The following EYS variants were observed in gnomAD, a reference collection of about 807,000 sequenced individuals.
The protein encoded by EYS is EGF-like photoreceptor maintenance factor, also known as protein eyes shut homolog.
EYS carries 250 observed loss-of-function variants against 282.1 expected under a neutral mutation model. That is an observed-to-expected ratio of 0.89 (90% CI 0.80 to 0.98). The LOEUF is 0.98. EYS is among the 50% of genes least tolerant of loss of function. The probability of loss-of-function intolerance (pLI) is 0.00; values close to 1 mark genes in which losing one functional copy is unlikely to be tolerated. For synonymous variants in EYS, 1,355 were observed against 1,282.9 expected (o/e 1.06, Z -1.20); for missense variants, 4,016 against 3,709.0 (o/e 1.08, Z -2.15).
intron 2 of EYS, among the ~76,000 whole-genome samples, chr6:65,519,806 C>G (rs1427944410): frequency 7.0e-6 from 1 of 143,350 alleles, no homozygotes; most frequent in Non-Finnish European, 1.5e-5. Flanking sequence ...GCCTCAACCT[C>G]CCGCGGCTTA....
At chr6:64,732,794 C>G (rs188506770) in intron 22 of EYS, among the ~76,000 whole-genome samples, 1 of 152,190 alleles carries the variant, frequency 6.6e-6, no homozygotes, top group Non-Finnish European at 1.5e-5. Flanking sequence ...CTACTTAACT[C>G]CAACTGATTG....
chr6:65,504,507 T>C (rs1053912253), intron 2 of EYS, among the ~76,000 whole-genome samples: 1 of 151,830 alleles, frequency 6.6e-6, no homozygotes, highest in Admixed American at 6.6e-5. Context: ...TCCATTTTTC[T>C]ACACGAATTA....
intron 34 of EYS, among the ~76,000 whole-genome samples, chr6:63,987,748 G>A (rs571747538): frequency 1.4e-4 from 21 of 151,680 alleles, no homozygotes; most frequent in Non-Finnish European, 2.4e-4. Context: ...TACTGTCATT[G>A]CCAGAATTAA....
intron 26 of EYS, among the ~76,000 whole-genome samples, chr6:64,566,533 A>G (rs1174403552): frequency 6.6e-6 from 1 of 152,194 alleles, no homozygotes; most frequent in Admixed American, 6.6e-5. Flanking sequence ...CGCATTTCTT[A>G]CTACAACAGT....
chr6:64,303,790 G>C (rs893787362), intron 30 of EYS, among the ~76,000 whole-genome samples: 1 of 141,060 alleles, frequency 7.1e-6, no homozygotes, highest in African/African-American at 2.7e-5. Context: ...GCAGTGAGTC[G>C]AGATCGCGCC....
intron 33 of EYS, among the ~76,000 whole-genome samples, chr6:64,023,665 C>G (rs1769310798): frequency 6.6e-6 from 1 of 152,256 alleles, no homozygotes; most frequent in Non-Finnish European, 1.5e-5. Flanking sequence ...GCCTGGGCTC[C>G]CACTTTGGCG....
chr6:64,668,452 T>C (rs1166397757), intron 22 of EYS, among the ~76,000 whole-genome samples: 1 of 152,104 alleles, frequency 6.6e-6, no homozygotes, highest in Non-Finnish European at 1.5e-5. Flanking sequence ...CTTTCACCTA[T>C]TTTAGGTGAC....
chr6:65,034,928 G>T (rs993258603), intron 13 of EYS, among the ~76,000 whole-genome samples: 1 of 151,854 alleles, frequency 6.6e-6, no homozygotes, highest in Non-Finnish European at 1.5e-5. Context: ...AATTTAGACC[G>T]ATATCTCTGA....
intron 36 of EYS, among the ~76,000 whole-genome samples, chr6:63,859,497 T>C (rs1772481530): frequency 6.6e-6 from 1 of 151,990 alleles, no homozygotes; most frequent in Non-Finnish European, 1.5e-5. Context: ...TAAATTATTA[T>C]GAAATATTTA....
intron 22 of EYS, among the ~76,000 whole-genome samples, chr6:64,757,734 CTT>C (rs1398523621): frequency 1.8e-4 from 19 of 106,946 alleles, no homozygotes; most frequent in Non-Finnish European, 3.6e-4. Context: ...AATTTTTTTT[CTT>C]TTTTTCTTTG....
intron 21 of EYS, among the ~76,000 whole-genome samples, chr6:64,818,168 C>G (rs987652666): frequency 6.6e-6 from 1 of 152,114 alleles, no homozygotes; most frequent in African/African-American, 2.4e-5. Flanking sequence ...TAAGTCTTAT[C>G]AAACTTGAAA....
chr6:63,794,078 C>T (rs762213011), intron 37 of EYS, among the ~76,000 whole-genome samples: 1 of 152,196 alleles, frequency 6.6e-6, no homozygotes, highest in Non-Finnish European at 1.5e-5. Context: ...CCCTCTCTCC[C>T]ACCTTCAGCA....
chr6:65,635,111 T>C (rs927975776), intron 2 of EYS, among the ~76,000 whole-genome samples: 1 of 152,174 alleles, frequency 6.6e-6, no homozygotes, highest in Non-Finnish European at 1.5e-5. Context: ...TCAACATCTT[T>C]GTCACATAAG....
intron 12 of EYS, among the ~76,000 whole-genome samples, chr6:65,139,914 G>C (rs904044298): frequency 2.0e-5 from 3 of 152,024 alleles, no homozygotes; most frequent in Non-Finnish European, 4.4e-5. Flanking sequence ...TCCCCCACCA[G>C]CAGTGTCAGA....
chr6:64,030,331 T>C (rs947016519), intron 33 of EYS, among the ~76,000 whole-genome samples: 1 of 152,122 alleles, frequency 6.6e-6, no homozygotes, highest in South Asian at 2.1e-4. Flanking sequence ...TAAATTTCTG[T>C]CTACCCAGCC....
At chr6:65,515,126 C>T (rs1311391794) in intron 2 of EYS, among the ~76,000 whole-genome samples, 1 of 152,060 alleles carries the variant, frequency 6.6e-6, no homozygotes, top group Non-Finnish European at 1.5e-5. Context: ...AAAAAGTGGG[C>T]AAAGGACATG....
intron 7 of EYS, among the ~76,000 whole-genome samples, chr6:65,399,862 T>C (rs937725891): frequency 6.6e-5 from 10 of 152,076 alleles, no homozygotes; most frequent in African/African-American, 2.4e-4. Flanking sequence ...TTCAGCTCTA[T>C]ATCTGTTTTG....
intron 1 of EYS, among the ~76,000 whole-genome samples, chr6:65,685,827 A>G (rs953267984): frequency 6.6e-6 from 1 of 152,018 alleles, no homozygotes; most frequent in African/African-American, 2.4e-5. Context: ...CAATGTTGCA[A>G]TATATTCTCA....
chr6:64,717,593 G>C (rs1471452930), intron 22 of EYS, among the ~76,000 whole-genome samples: 1 of 152,170 alleles, frequency 6.6e-6, no homozygotes, highest in Non-Finnish European at 1.5e-5. Context: ...GTGCAGCCTA[G>C]TTCCTAACAG....
Sources: gnomAD v4.1 joint callset for allele counts (sites outside exome capture counted in the v4.1 genomes callset) on GRCh38, gnomAD v4.1.1 for gene constraint, MANE v1.5 for transcripts, NCBI Gene and HGNC (gene_info 2026-07-23, HGNC 2026-07-21) for gene names.